Variants in C10orf90 observed in about 807,000 individuals in gnomAD.
C10orf90 encodes the protein (E2-independent) E3 ubiquitin-conjugating enzyme FATS.
Under a neutral mutation model 62.5 loss-of-function variants are expected in C10orf90, and 56 were observed. That is an observed-to-expected ratio of 0.90 (90% CI 0.72 to 1.12). The LOEUF (loss-of-function observed/expected upper bound fraction) is 1.12. Ranked by LOEUF, C10orf90 falls within the 50% of genes most tolerant of loss-of-function variation. The pLI is 0.00. For missense variants in C10orf90, 970 were observed against 880.4 expected (o/e 1.10, Z -1.29); for synonymous variants, 386 against 340.4 (o/e 1.13, Z -1.47).
At chr10:126,473,666 G>A (rs1192213380) in intron 4 of C10orf90, among the ~76,000 whole-genome samples, 1 of 151,726 alleles carries the variant, frequency 6.6e-6, no homozygotes, top group East Asian at 1.9e-4. Context: ...TTTTACAATA[G>A]ATACGCTCTT....
intron 2 of C10orf90, among the ~76,000 whole-genome samples, chr10:126,536,276 G>A (rs1442756735): frequency 6.6e-6 from 1 of 152,210 alleles, no homozygotes; most frequent in Non-Finnish European, 1.5e-5. Flanking sequence ...GGTCGCGGAG[G>A]AGGGTAAGGA....
At chr10:126,516,856 C>A (rs1276575802) in intron 2 of C10orf90, among the ~76,000 whole-genome samples, 2 of 51,332 alleles carry the variant, frequency 3.9e-5, no homozygotes, top group African/African-American at 1.8e-4. Context: ...TCTTCCTTGC[C>A]TTTTTCAGCT....
intron 2 of C10orf90, among the ~76,000 whole-genome samples, chr10:126,524,218 C>A (rs1229166825): frequency 3.9e-5 from 6 of 152,134 alleles, no homozygotes; most frequent in Non-Finnish European, 7.3e-5. Context: ...AATCTTAAAA[C>A]CATCTTTAAA....
intron 2 of C10orf90, among the ~76,000 whole-genome samples, chr10:126,597,689 G>T (rs903696169): frequency 6.6e-6 from 1 of 152,172 alleles, no homozygotes; most frequent in African/African-American, 2.4e-5. Flanking sequence ...GCATTTGGGA[G>T]AGCTTTAAGA....
chr10:126,637,095 AT>A (rs1171528604), intron 2 of C10orf90, among the ~76,000 whole-genome samples: 3 of 152,174 alleles, frequency 2.0e-5, no homozygotes, highest in Admixed American at 6.5e-5. Context: ...ACCAAAAATA[AT>A]GCATAAGCCC....
At chr10:126,548,060 CAG>C in intron 2 of C10orf90, among the ~76,000 whole-genome samples, 1 of 151,404 alleles carries the variant, frequency 6.6e-6, no homozygotes, top group East Asian at 1.9e-4. Flanking sequence ...GATAAACAAA[CAG>C]AAAAAAAAAT....
intron 2 of C10orf90, among the ~76,000 whole-genome samples, chr10:126,526,284 G>A (rs958329613): frequency 9.6e-5 from 14 of 145,096 alleles, no homozygotes; most frequent in East Asian, 4.0e-4. Flanking sequence ...TCACTCTGTC[G>A]TTCAGGCTGG....
chr10:126,425,269 G>A lies in C10orf90; in HGVS notation c.*595C>T, dbSNP rs1857203641. 6.6e-6 allele frequency: 1 copy of A among 152,290 alleles called. No individual in the cohort carries two copies. Among genetic ancestry groups the A allele is most frequent in the South Asian group, 2.1e-4 (1 of 4,834 alleles). 9.4% of individuals were successfully genotyped at this position (152,290 alleles called of 1,614,324 possible). ...TGAGGAATGGGGCGGGGTGACTGAG[G>A]GCCCTCTGACTGCTCCAGGTCACAA... On this transcript the variant is annotated 3_prime_UTR_variant, in exon 10 of 10. Coordinates refer to ENST00000488181, the MANE Select transcript of C10orf90 (RefSeq NM_001350921.2).
chr10:126,668,421 T>C (rs776592979), intron 1 of C10orf90, among the ~76,000 whole-genome samples: 13 of 152,154 alleles, frequency 8.5e-5, no homozygotes, highest in Non-Finnish European at 1.3e-4. Flanking sequence ...GAAGTGCTAA[T>C]TGGGGTCTCT....
chr10:126,585,356 AG>A (rs781327267), intron 2 of C10orf90, among the ~76,000 whole-genome samples: 33 of 146,712 alleles, frequency 2.2e-4, no homozygotes, highest in Middle Eastern at 3.4e-3. Flanking sequence ...GCAGGGAGCG[AG>A]GGGGGGAAGA....
chr10:126,597,547 A>G (rs1310372176), intron 2 of C10orf90, among the ~76,000 whole-genome samples: 1 of 152,202 alleles, frequency 6.6e-6, no homozygotes, highest in Non-Finnish European at 1.5e-5. Context: ...TTTGCATTTT[A>G]AAAAGACAAT....
At chr10:126,484,107 G>T (rs1861302210) in intron 4 of C10orf90, among the ~76,000 whole-genome samples, 1 of 152,040 alleles carries the variant, frequency 6.6e-6, no homozygotes, top group Non-Finnish European at 1.5e-5. Context: ...GGCAAAGAAA[G>T]TTATCCTTCT....
At chr10:126,426,179 A>G in intron 8 of C10orf90, 89 bp from the exon 9 acceptor site, 5 of 1,072,570 alleles carry the variant, frequency 4.7e-6, no homozygotes, top group Non-Finnish European at 7.1e-6. Flanking sequence ...GCAGGCTCTT[A>G]CATTTCAAAG....
At chr10:126,555,323 A>G (rs1344765490) in intron 2 of C10orf90, among the ~76,000 whole-genome samples, 1 of 152,188 alleles carries the variant, frequency 6.6e-6, no homozygotes, top group African/African-American at 2.4e-5. Flanking sequence ...GATCCTGGAT[A>G]CAAAAGAAAC....
chr10:126,639,421 G>C (rs766266451), intron 2 of C10orf90, among the ~76,000 whole-genome samples: 1 of 152,136 alleles, frequency 6.6e-6, no homozygotes. Flanking sequence ...CTCAGACCTG[G>C]CTCCTTTATT....
chr10:126,659,771 A>T (rs1846470916), intron 1 of C10orf90, among the ~76,000 whole-genome samples: 2 of 152,244 alleles, frequency 1.3e-5, no homozygotes, highest in African/African-American at 4.8e-5. Context: ...TCACTGAAAA[A>T]TGAGTGAATC....
At chr10:126,640,477 G>C (rs1846038331) in intron 2 of C10orf90, among the ~76,000 whole-genome samples, 1 of 152,118 alleles carries the variant, frequency 6.6e-6, no homozygotes, top group African/African-American at 2.4e-5. Context: ...TCTCCCTGCT[G>C]ATCCCTGAGC....
chr10:126,647,676 C>T (rs1212517220), intron 1 of C10orf90, among the ~76,000 whole-genome samples: 2 of 152,224 alleles, frequency 1.3e-5, no homozygotes, highest in African/African-American at 4.8e-5. Flanking sequence ...CAGCCACCAC[C>T]TATCAGCCAT....
chr10:126,633,147 T>G (rs1845882831), intron 2 of C10orf90, among the ~76,000 whole-genome samples: 1 of 152,206 alleles, frequency 6.6e-6, no homozygotes, highest in African/African-American at 2.4e-5. Context: ...GTGATAAAAC[T>G]GCCTGGAAGG....
Sources: gnomAD v4.1 joint callset for allele counts (sites outside exome capture counted in the v4.1 genomes callset) on GRCh38, gnomAD v4.1.1 for gene constraint, MANE v1.5 for transcripts, NCBI Gene and HGNC (gene_info 2026-07-23, HGNC 2026-07-21) for gene names.